The following IL34 variants were observed in gnomAD, a reference collection of about 807,000 sequenced individuals.
IL34 encodes the protein interleukin-34.
Under a neutral mutation model 25.3 loss-of-function variants are expected in IL34, and 17 were observed. The observed-to-expected ratio is 0.67, with a 90% CI of 0.46 to 1.01. The LOEUF (loss-of-function observed/expected upper bound fraction) is 1.01, where lower values mean the gene tolerates loss of function less well. IL34 is among the 50% of genes least tolerant of loss of function. The pLI is 0.00. For missense variants in IL34, 368 were observed against 312.9 expected (o/e 1.18, Z -1.33); for synonymous variants, 174 against 140.9 (o/e 1.23, Z -1.66).
chr16:70,632,963 T>C (rs1457320698), intron 1 of IL34, among the ~76,000 whole-genome samples: 1 of 148,242 alleles, frequency 6.7e-6, no homozygotes, highest in Non-Finnish European at 1.5e-5. Flanking sequence ...TTAAAATGTG[T>C]CTTATCAGGA....
chr16:70,600,755 G>A (rs918266379), intron 1 of IL34, among the ~76,000 whole-genome samples: 1 of 152,142 alleles, frequency 6.6e-6, no homozygotes, highest in Non-Finnish European at 1.5e-5. Context: ...TGGCTTGGAC[G>A]TGGAAAAAAG....
At chr16:70,628,174 CTTA>C (rs1218446879) in intron 1 of IL34, among the ~76,000 whole-genome samples, 2 of 151,938 alleles carry the variant, frequency 1.3e-5, no homozygotes, top group Admixed American at 1.3e-4. Context: ...GGTCGAGCAC[CTTA>C]TTATATATTT....
At chr16:70,631,765 G>T (rs1289422001) in intron 1 of IL34, among the ~76,000 whole-genome samples, 2 of 152,160 alleles carry the variant, frequency 1.3e-5, no homozygotes, top group African/African-American at 2.4e-5. Context: ...ATAGCCCAGT[G>T]GTTAAGACGG....
At chr16:70,581,108 C>T (rs1161044662) in intron 1 of IL34, among the ~76,000 whole-genome samples, 1 of 152,048 alleles carries the variant, frequency 6.6e-6, no homozygotes, top group Non-Finnish European at 1.5e-5. Flanking sequence ...GACGGGCTTT[C>T]ACCATGTTGG....
In IL34 at chr16:70,633,995, C is replaced by T. The variant is rs138878336; in HGVS notation, c.-400-12553C>T. ...CCTCCGGAGTAGCTGGAATTACAGGCGTGCACCACCACGCCCAGCTAATTT... is the reference window on the plus strand; with the variant it reads ...CCTCCGGAGTAGCTGGAATTACAGGTGTGCACCACCACGCCCAGCTAATTT... On this transcript the variant is annotated intron_variant, in intron 1 of 6. Coordinates refer to the IL34 transcript ENST00000429149. Among the ~76,000 whole-genome samples the T allele has an allele frequency of 7.4e-4, 112 of 152,106 alleles. 3 individuals carry two copies. The East Asian group carries it at 0.018, about 24-fold the overall frequency.
intron 1 of IL34, among the ~76,000 whole-genome samples, chr16:70,588,639 T>C (rs2050719924): frequency 6.6e-6 from 1 of 152,082 alleles, no homozygotes; most frequent in South Asian, 2.1e-4. Context: ...AGCTAAAAGG[T>C]AAAAGCAATT....
intron 4 of IL34, among the ~76,000 whole-genome samples, chr16:70,657,762 C>T (rs971627285): frequency 8.6e-5 from 13 of 152,038 alleles, no homozygotes; most frequent in South Asian, 8.3e-4. Flanking sequence ...GCAACAAGAA[C>T]GAAAAACTCC....
intron 1 of IL34, among the ~76,000 whole-genome samples, chr16:70,614,710 A>T (rs1400070458): frequency 3.3e-5 from 5 of 152,222 alleles, no homozygotes; most frequent in African/African-American, 1.2e-4. Flanking sequence ...TTTGTGTCTC[A>T]CAGTGTCTTG....
intron 5 of IL34, 26 bp from the exon 6 acceptor site, chr16:70,659,971 T>A: frequency 2.0e-6 from 3 of 1,518,832 alleles, no homozygotes; most frequent in Non-Finnish European, 2.7e-6. Flanking sequence ...GCTGCAGTCT[T>A]TTTTTTTTTC....
intron 1 of IL34, among the ~76,000 whole-genome samples, chr16:70,580,849 GGTAA>G (rs2050629017): frequency 6.6e-6 from 1 of 151,678 alleles, no homozygotes; most frequent in Non-Finnish European, 1.5e-5. Flanking sequence ...CAACAGCATA[GGTAA>G]GTCTTTCTCA....
At chr16:70,631,940 T>C (rs978982007) in intron 1 of IL34, among the ~76,000 whole-genome samples, 3 of 151,240 alleles carry the variant, frequency 2.0e-5, no homozygotes, top group African/African-American at 2.4e-5. Context: ...AAAAAAATTA[T>C]AATACAAAAA....
At chr16:70,634,140 C>T (rs1253485051) in intron 1 of IL34, among the ~76,000 whole-genome samples, 5 of 152,122 alleles carry the variant, frequency 3.3e-5, no homozygotes, top group Non-Finnish European at 2.9e-5. Context: ...TGTGAGCCAC[C>T]GTGCCCTGCA....
intron 1 of IL34, among the ~76,000 whole-genome samples, chr16:70,586,638 G>T (rs1480150274): frequency 6.6e-6 from 1 of 152,160 alleles, no homozygotes; most frequent in Non-Finnish European, 1.5e-5. Context: ...CCGTGGTGAG[G>T]GGCAGAGTGG....
chr16:70,598,470 G>GGCT (rs1443841401), intron 1 of IL34, among the ~76,000 whole-genome samples: 1 of 152,196 alleles, frequency 6.6e-6, no homozygotes, highest in African/African-American at 2.4e-5. Context: ...TGGGCGCAGT[G>GGCT]GCTCACACCT....
At chr16:70,603,263 CATTT>C (rs1449231872) in intron 1 of IL34, among the ~76,000 whole-genome samples, 1 of 151,886 alleles carries the variant, frequency 6.6e-6, no homozygotes, top group Non-Finnish European at 1.5e-5. Context: ...ATAAATATAC[CATTT>C]ATTTATTTTT....
chr16:70,583,346 C>G (rs886808371), intron 1 of IL34, among the ~76,000 whole-genome samples: 1 of 151,994 alleles, frequency 6.6e-6, no homozygotes, highest in Non-Finnish European at 1.5e-5. Flanking sequence ...AACAGATTCA[C>G]CTGCCTCAGC....
chr16:70,589,374 G>A (rs1389757200), intron 1 of IL34, among the ~76,000 whole-genome samples: 1 of 152,010 alleles, frequency 6.6e-6, no homozygotes, highest in Non-Finnish European at 1.5e-5. Context: ...TATCTTTTCT[G>A]TTCCTCTCCC....
At chr16:70,610,453 A>T (rs1484089680) in intron 1 of IL34, among the ~76,000 whole-genome samples, 1 of 152,200 alleles carries the variant, frequency 6.6e-6, no homozygotes, top group Non-Finnish European at 1.5e-5. Flanking sequence ...ATGATTTGCC[A>T]GAAGTTATAG....
chr16:70,653,664 C>T (rs1036690062), intron 1 of IL34, among the ~76,000 whole-genome samples: 2 of 152,108 alleles, frequency 1.3e-5, no homozygotes, highest in African/African-American at 4.8e-5. Context: ...CACTACTGCA[C>T]TCCAGCCAGG....
Sources: gnomAD v4.1 joint callset for allele counts (sites outside exome capture counted in the v4.1 genomes callset) on GRCh38, gnomAD v4.1.1 for gene constraint, MANE v1.5 for transcripts, NCBI Gene and HGNC (gene_info 2026-07-23, HGNC 2026-07-21) for gene names.